Variants in RALYL observed in about 807,000 individuals in gnomAD.
The protein encoded by RALYL is RNA-binding Raly-like protein.
Under a neutral mutation model 35.1 loss-of-function variants are expected in RALYL, and 29 were observed. The observed-to-expected ratio is 0.83, with a 90% confidence interval of 0.61 to 1.13. The LOEUF is 1.13. Among genes scored for constraint, RALYL ranks in the 50% most tolerant of loss-of-function variants. RALYL has a pLI of 0.00. For synonymous variants in RALYL, 120 were observed against 127.6 expected, an observed-to-expected ratio of 0.94 and a Z score of 0.40; for missense variants, 359 against 360.4, an observed-to-expected ratio of 1.00 and a Z score of 0.03.
At chr8:84,735,008 TGTG>T (rs1227749703) in intron 2 of RALYL, among the ~76,000 whole-genome samples, 2 of 68,258 alleles carry the variant, frequency 2.9e-5, no homozygotes, top group Non-Finnish European at 5.5e-5. Context: ...GATATGTTTG[TGTG>T]TGTGTGTGTG....
At chr8:84,775,850 CT>C (rs1180271329) in intron 3 of RALYL, among the ~76,000 whole-genome samples, 1 of 152,220 alleles carries the variant, frequency 6.6e-6, no homozygotes, top group Non-Finnish European at 1.5e-5. Context: ...ATATGTCCCA[CT>C]TCATGTGCTT....
At chr8:84,812,378 T>C (rs1489750342) in intron 4 of RALYL, among the ~76,000 whole-genome samples, 1 of 152,054 alleles carries the variant, frequency 6.6e-6, no homozygotes, top group Non-Finnish European at 1.5e-5. Flanking sequence ...GCTTTGGTGG[T>C]TTAATGCTCT....
chr8:84,555,432 A>G (rs2061044607), intron 2 of RALYL, among the ~76,000 whole-genome samples: 1 of 152,142 alleles, frequency 6.6e-6, no homozygotes, highest in Non-Finnish European at 1.5e-5. Context: ...ACTGGCAGGT[A>G]GTGGCATGCT....
At position 84,736,021 on chromosome 8, in the gene RALYL, A is replaced by C. The variant is rs565411243; in HGVS notation, c.257-38558A>C. On this transcript the variant is annotated intron_variant, in intron 2 of 8. Coordinates refer to ENST00000521268, the MANE Select transcript of RALYL (RefSeq NM_173848.7). ...TTCTAAGATATTCTCCCAGAACTGC[A>C]ACACTCCAACACAGTCTCTAGTCAT... Among the ~76,000 whole-genome samples the C allele has an allele frequency of 6.6e-5, 10 of 152,216 alleles. 1 individual carries two copies. In the South Asian group the frequency reaches 1.9e-3, roughly 28 times the overall value.
chr8:84,531,690 C>A (rs2059285538), intron 2 of RALYL, among the ~76,000 whole-genome samples: 1 of 152,022 alleles, frequency 6.6e-6, no homozygotes, highest in African/African-American at 2.4e-5. Flanking sequence ...TGAGGAAATG[C>A]ATTTAATTAT....
intron 1 of RALYL, among the ~76,000 whole-genome samples, chr8:84,314,116 A>G (rs1053647062): frequency 6.6e-6 from 1 of 152,132 alleles, no homozygotes; most frequent in Non-Finnish European, 1.5e-5. Flanking sequence ...CAGGAGAGAG[A>G]GCGCAAGTGC....
At chr8:84,919,157 C>T (rs2135778644) in intron 8 of RALYL, among the ~76,000 whole-genome samples, 1 of 152,048 alleles carries the variant, frequency 6.6e-6, no homozygotes, top group African/African-American at 2.4e-5. Flanking sequence ...TACACAGCTG[C>T]TACAGTATTT....
intron 3 of RALYL, among the ~76,000 whole-genome samples, chr8:84,793,200 A>C (rs1821198730): frequency 6.6e-6 from 1 of 152,188 alleles, no homozygotes; most frequent in Admixed American, 6.5e-5. Flanking sequence ...ACTGGGTGAG[A>C]ACAGAAAGGG....
chr8:84,753,468 G>T (rs1810570117), intron 2 of RALYL, among the ~76,000 whole-genome samples: 1 of 152,064 alleles, frequency 6.6e-6, no homozygotes, highest in Admixed American at 6.6e-5. Context: ...GATTTGGGAG[G>T]GGCCTAGGCA....
chr8:84,756,258 A>G (rs921909212), intron 2 of RALYL, among the ~76,000 whole-genome samples: 2 of 152,148 alleles, frequency 1.3e-5, no homozygotes, highest in African/African-American at 4.8e-5. Flanking sequence ...AGAAAACAAG[A>G]CACAAAGTAA....
At chr8:84,225,947 G>A (rs1479489967) in intron 1 of RALYL, among the ~76,000 whole-genome samples, 5 of 152,156 alleles carry the variant, frequency 3.3e-5, no homozygotes, top group Non-Finnish European at 5.9e-5. Flanking sequence ...TGAGAAGTAG[G>A]TTATTTAGTG....
At chr8:84,777,677 G>A (rs1000056254) in intron 3 of RALYL, among the ~76,000 whole-genome samples, 5 of 151,936 alleles carry the variant, frequency 3.3e-5, no homozygotes, top group Non-Finnish European at 1.5e-5. Flanking sequence ...AGTCTCAATC[G>A]GTCGCTCAGG....
chr8:84,530,657 G>A (rs887108721), intron 2 of RALYL, among the ~76,000 whole-genome samples: 61 of 152,168 alleles, frequency 4.0e-4, no homozygotes, highest in Non-Finnish European at 2.5e-4. Flanking sequence ...TAGTTGGTCC[G>A]CTTCTTTTTA....
At chr8:84,511,447 T>A (rs1300543417) in intron 1 of RALYL, among the ~76,000 whole-genome samples, 1 of 152,202 alleles carries the variant, frequency 6.6e-6, no homozygotes, top group East Asian at 1.9e-4. Flanking sequence ...TTGTACATAT[T>A]TATGGGGTAC....
At chr8:84,710,599 G>A (rs1357271046) in intron 2 of RALYL, among the ~76,000 whole-genome samples, 3 of 149,358 alleles carry the variant, frequency 2.0e-5, no homozygotes, top group Non-Finnish European at 4.4e-5. Flanking sequence ...ACTGCACTCG[G>A]CCTCAGTTCA....
intron 1 of RALYL, among the ~76,000 whole-genome samples, chr8:84,344,171 C>A (rs1263136434): frequency 1.3e-5 from 2 of 151,828 alleles, no homozygotes; most frequent in Non-Finnish European, 2.9e-5. Flanking sequence ...AATTGCAACC[C>A]ATGATTTCAC....
At chr8:84,752,855 C>A (rs1296022284) in intron 2 of RALYL, among the ~76,000 whole-genome samples, 1 of 152,186 alleles carries the variant, frequency 6.6e-6, no homozygotes, top group Non-Finnish European at 1.5e-5. Context: ...GATGTCCAGG[C>A]AGAATACTGC....
chr8:84,461,357 A>G (rs2050750670), intron 1 of RALYL, among the ~76,000 whole-genome samples: 1 of 151,706 alleles, frequency 6.6e-6, no homozygotes, highest in Admixed American at 6.6e-5. Context: ...GAATATTGCA[A>G]GAATGAGGCT....
chr8:84,332,096 A>T (rs1300423121), intron 1 of RALYL, among the ~76,000 whole-genome samples: 1 of 152,058 alleles, frequency 6.6e-6, no homozygotes, highest in East Asian at 1.9e-4. Context: ...ACAGGATTTT[A>T]ATTTTCTCTT....
Sources: allele counts gnomAD v4.1 joint callset (sites outside exome capture counted in the v4.1 genomes callset), GRCh38; gene constraint gnomAD v4.1.1; transcripts MANE v1.5; gene names NCBI Gene and HGNC (gene_info 2026-07-23, HGNC 2026-07-21).